Variants in GATAD2B observed in about 807,000 individuals in gnomAD.
The protein encoded by GATAD2B is GATA zinc finger domain containing 2B.
In GATAD2B, 8 loss-of-function variants were observed where a neutral mutation model predicts 64.3. The observed-to-expected ratio is 0.12, with a 90% confidence interval of 0.07 to 0.22. The LOEUF is 0.22. Among genes scored for constraint, GATAD2B ranks in the 10% least tolerant of loss-of-function variants. The pLI, the probability that GATAD2B is intolerant of heterozygous loss-of-function variation, is 1.00. For synonymous variants in GATAD2B, 281 were observed against 271.3 expected (o/e 1.04, Z -0.35); for missense variants, 453 against 752.0 (o/e 0.60, Z 4.65).
intron 1 of GATAD2B, among the ~76,000 whole-genome samples, chr1:153,902,486 C>T (rs188227725): frequency 7.9e-5 from 12 of 152,170 alleles, no homozygotes; most frequent in Non-Finnish European, 1.8e-4. Context: ...CAGGGTCTCA[C>T]TCTTGTCACC....
At chr1:153,826,501 G>A (rs773565572) in intron 2 of GATAD2B, among the ~76,000 whole-genome samples, 3 of 151,950 alleles carry the variant, frequency 2.0e-5, no homozygotes, top group Non-Finnish European at 1.5e-5. Flanking sequence ...GCAGGCACGC[G>A]CCTGTAATCT....
At chr1:153,918,512 A>C (rs11581644) in intron 1 of GATAD2B, among the ~76,000 whole-genome samples, 1 of 152,124 alleles carries the variant, frequency 6.6e-6, no homozygotes. Context: ...TGTCTAATCT[A>C]AATCCTACTA....
intron 1 of GATAD2B, among the ~76,000 whole-genome samples, chr1:153,888,569 C>T (rs1178280085): frequency 6.6e-6 from 1 of 152,200 alleles, no homozygotes; most frequent in Non-Finnish European, 1.5e-5. Context: ...TTAGGCAAGT[C>T]ACAAATGTTC....
chr1:153,870,319 C>T (rs1676619900), intron 1 of GATAD2B, among the ~76,000 whole-genome samples: 1 of 152,134 alleles, frequency 6.6e-6, no homozygotes, highest in African/African-American at 2.4e-5. Context: ...GCCTGTAATT[C>T]CAGCACTATG....
intron 2 of GATAD2B, among the ~76,000 whole-genome samples, chr1:153,825,167 C>A (rs1303711380): frequency 6.6e-6 from 1 of 152,138 alleles, no homozygotes; most frequent in African/African-American, 2.4e-5. Context: ...CCTAACATTT[C>A]TTTAACTCTT....
chr1:153,867,643 T>C (rs1471333001), intron 1 of GATAD2B, among the ~76,000 whole-genome samples: 1 of 151,866 alleles, frequency 6.6e-6, no homozygotes, highest in African/African-American at 2.4e-5. Context: ...GTGGATCACC[T>C]GAGGTCAGGA....
At chr1:153,869,535 G>A (rs1676591976) in intron 1 of GATAD2B, among the ~76,000 whole-genome samples, 1 of 152,066 alleles carries the variant, frequency 6.6e-6, no homozygotes, top group South Asian at 2.1e-4. Context: ...CCTTCAAGCT[G>A]GTTCTCTATT....
At chr1:153,850,158 G>A (rs1293290492) in intron 1 of GATAD2B, among the ~76,000 whole-genome samples, 1 of 152,156 alleles carries the variant, frequency 6.6e-6, no homozygotes, top group Non-Finnish European at 1.5e-5. Flanking sequence ...TTCCTCCAGA[G>A]TAGCTTTACA....
chr1:153,920,324 G>A (rs1021477415), intron 1 of GATAD2B, among the ~76,000 whole-genome samples: 5 of 151,982 alleles, frequency 3.3e-5, no homozygotes, highest in Non-Finnish European at 5.9e-5. Context: ...TGCCCGTCTG[G>A]CAAAAAAAGG....
intron 1 of GATAD2B, chr1:153,922,091 C>A (rs1403133027): frequency 6.6e-6 from 1 of 152,220 alleles, no homozygotes; most frequent in Non-Finnish European, 1.5e-5. Flanking sequence ...TCTTCCCCTA[C>A]GGGAGGGCGA....
At chr1:153,834,378 C>G (rs890879442) in intron 1 of GATAD2B, among the ~76,000 whole-genome samples, 9 of 151,688 alleles carry the variant, frequency 5.9e-5, no homozygotes, top group Non-Finnish European at 1.0e-4. Context: ...GGAAGTAAAA[C>G]TATTAACATT....
chr1:153,813,137 G>A, intron 8 of GATAD2B, 113 bp downstream of exon 8: 1 of 750,928 alleles, frequency 1.3e-6, no homozygotes, highest in Non-Finnish European at 2.4e-6. Flanking sequence ...GAGACAAAAA[G>A]GGAACCTGTG....
intron 1 of GATAD2B, among the ~76,000 whole-genome samples, chr1:153,867,675 C>G (rs1271872489): frequency 6.7e-6 from 1 of 150,024 alleles, no homozygotes; most frequent in Non-Finnish European, 1.5e-5. Flanking sequence ...CCATGGCCAA[C>G]ATGGTGAAAC....
chr1:153,902,644 TG>T (rs952283392), intron 1 of GATAD2B, among the ~76,000 whole-genome samples: 2 of 151,982 alleles, frequency 1.3e-5, no homozygotes, highest in South Asian at 2.1e-4. Context: ...TTTTTGTAAA[TG>T]GGGTCTCACT....
In GATAD2B at chr1:153,866,854, C is replaced by T. The variant is rs188669995; in HGVS notation, c.-1-38506G>A. Among the ~76,000 whole-genome samples the T allele has an allele frequency of 1.2e-3, 186 of 152,272 alleles. 5 individuals are homozygous for T. Among genetic ancestry groups the T allele is most frequent in the Admixed American group, 0.01 (157 of 15,286 alleles). ...TGGAGTGCAGTGGCACAATCTCAGC[C>T]ACTGCAATCTCCGCCTCCCGGGTTC... is the stretch of plus-strand genomic sequence containing the variant. On this transcript the variant is annotated intron_variant, in intron 1 of 10. Transcript: ENST00000368655.
At chr1:153,854,298 G>A (rs1676008065) in intron 1 of GATAD2B, among the ~76,000 whole-genome samples, 1 of 152,170 alleles carries the variant, frequency 6.6e-6, no homozygotes, top group African/African-American at 2.4e-5. Flanking sequence ...AGCTACTCGG[G>A]AGGCTGAGAG....
intron 1 of GATAD2B, among the ~76,000 whole-genome samples, chr1:153,884,330 C>A (rs1316492100): frequency 1.3e-5 from 2 of 152,220 alleles, no homozygotes; most frequent in African/African-American, 4.8e-5. Flanking sequence ...GTAGTCCCAG[C>A]TACTCCGGAG....
intron 4 of GATAD2B, 61 bp from the exon 5 acceptor site, chr1:153,818,232 T>C: frequency 6.9e-7 from 1 of 1,452,742 alleles, no homozygotes; most frequent in Non-Finnish European, 9.3e-7. Context: ...ATTTGGTACA[T>C]TTCTAGACTT....
chr1:153,813,532 G>A, intron 7 of GATAD2B, 80 bp from the exon 8 acceptor site: 1 of 942,000 alleles, frequency 1.1e-6, no homozygotes, highest in Non-Finnish European at 1.7e-6. Flanking sequence ...TCTTTTCCAG[G>A]AGTTTATTCT....
Sources: allele counts gnomAD v4.1 joint callset (sites outside exome capture counted in the v4.1 genomes callset), GRCh38; gene constraint gnomAD v4.1.1; transcripts MANE v1.5; gene names NCBI Gene and HGNC (gene_info 2026-07-23, HGNC 2026-07-21).